The following LPP variants were observed in gnomAD, a reference collection of about 807,000 sequenced individuals.
LPP encodes lipoma-preferred partner.
A neutral mutation model predicts 60.4 loss-of-function variants in LPP; 38 were observed. The observed-to-expected ratio is 0.63, with a 90% confidence interval of 0.49 to 0.83. The LOEUF (loss-of-function observed/expected upper bound fraction) is 0.83. Among genes scored for constraint, LPP ranks in the 40% least tolerant of loss-of-function variants. The probability of loss-of-function intolerance (pLI) is 0.00; values close to 1 mark genes in which losing one functional copy is unlikely to be tolerated. For synonymous variants in LPP, 328 were observed against 290.8 expected, an observed-to-expected ratio of 1.13 and a Z score of -1.30; for missense variants, 902 against 783.6, an observed-to-expected ratio of 1.15 and a Z score of -1.80.
intron 2 of LPP, among the ~76,000 whole-genome samples, chr3:188,261,631 G>A (rs922832485): frequency 6.6e-6 from 1 of 152,130 alleles, no homozygotes; most frequent in Non-Finnish European, 1.5e-5. Flanking sequence ...CTTGGGACCG[G>A]ACATGGTGGC....
intron 9 of LPP, among the ~76,000 whole-genome samples, chr3:188,775,493 A>G (rs2150762166): frequency 6.6e-6 from 1 of 152,350 alleles, no homozygotes; most frequent in Non-Finnish European, 1.5e-5. Context: ...TTAACCTGCT[A>G]GATGTCATCT....
At chr3:188,239,470 G>A (rs1723076985) in intron 2 of LPP, among the ~76,000 whole-genome samples, 2 of 152,128 alleles carry the variant, frequency 1.3e-5, no homozygotes, top group Admixed American at 1.3e-4. Flanking sequence ...TCTTTTCTGT[G>A]CTCAATTTTA....
At chr3:188,738,198 GT>G (rs1035064774) in intron 8 of LPP, among the ~76,000 whole-genome samples, 2 of 151,586 alleles carry the variant, frequency 1.3e-5, no homozygotes, top group South Asian at 4.2e-4. Context: ...CCCCGAAAGT[GT>G]TTTTTTTCAA....
At chr3:188,275,894 T>C (rs1476028144) in intron 2 of LPP, among the ~76,000 whole-genome samples, 2 of 152,032 alleles carry the variant, frequency 1.3e-5, no homozygotes, top group East Asian at 3.9e-4. Flanking sequence ...CAGGCTGATC[T>C]CGAACTCCTG....
intron 6 of LPP, among the ~76,000 whole-genome samples, chr3:188,552,560 A>G (rs984081315): frequency 6.6e-6 from 1 of 152,176 alleles, no homozygotes; most frequent in African/African-American, 2.4e-5. Context: ...CTGGGTTAAG[A>G]TGAAGGTGTC....
rs369895861 is a variant in LPP, at chr3:188,609,661, A to G, written c.930A>G (p.Arg310=). 6 of 1,614,072 alleles carry G rather than the reference A, an allele frequency of 3.7e-6. No homozygotes were observed. In the African/African-American group the frequency reaches 6.7e-5, roughly 18 times the overall value. ...YYAAGPGYGG[R]NDSDPTYGQQ... is the part of the protein sequence containing the mutation. ...CAGCAGGGCCAGGCTATGGGGGCAGAAATGACTCTGACCCTACCTATGGTC... is the reference window on the plus strand; with the variant it reads ...CAGCAGGGCCAGGCTATGGGGGCAGGAATGACTCTGACCCTACCTATGGTC... Residue 310 remains arginine (R), a synonymous_variant, in exon 7 of 12, where the codon AGA becomes AGG. Coordinates refer to ENST00000617246, the MANE Select transcript of LPP (RefSeq NM_001375462.1). The surrounding 1 kb of genome is among the most constrained non-coding windows in gnomAD (Gnocchi z 6.9).
In LPP at chr3:188,785,447, ATATTC is replaced by A. The variant is rs1387333001; in HGVS notation, c.1410+25166_1410+25170del. ...CATATATATATTCCATCATATATAT[ATATTC>A]CATCATATATATATATTCCATCATA... On this transcript the variant is annotated intron_variant, in intron 9 of 11. Transcript: ENST00000617246. Among the ~76,000 whole-genome samples, 72 of 29,814 alleles carry A rather than the reference ATATTC, an allele frequency of 2.4e-3. 14 individuals are homozygous for A. The highest frequency in any genetic ancestry group is 0.012 in the African/African-American group (65 of 5,560). The allele number at this position is 29,814 out of a possible 152,430, so 19.6% of individuals were successfully genotyped here. A position where few individuals can be genotyped will look rare whatever the true frequency, so the allele number is the denominator to read the frequency against.
At chr3:188,359,468 T>A (rs1431598621) in intron 3 of LPP, among the ~76,000 whole-genome samples, 17 of 152,224 alleles carry the variant, frequency 1.1e-4, no homozygotes. Context: ...CCTGACCTAT[T>A]AGCTGCAGGG....
At chr3:188,235,902 TCTC>T (rs1264341851) in intron 2 of LPP, among the ~76,000 whole-genome samples, 2 of 152,028 alleles carry the variant, frequency 1.3e-5, no homozygotes, top group Non-Finnish European at 2.9e-5. Flanking sequence ...CAATCTTTCT[TCTC>T]CTCTAGATTG....
In LPP at chr3:188,323,508, C is replaced by T. The variant is rs534042564; in HGVS notation, c.-66-18155C>T. ...GGAAGAAAACTTTGCAAAGCAGTAG[C>T]AGAATAAAGTCGAGGGTAAACAGAG... On this transcript the variant is annotated intron_variant, in intron 2 of 11. Transcript: ENST00000617246. Among the ~76,000 whole-genome samples the T allele has an allele frequency of 3.9e-4, 59 of 152,266 alleles. 2 individuals carry two copies. In the South Asian group the frequency reaches 0.012, roughly 30 times the overall value.
At chr3:188,356,478 T>C (rs1302785218) in intron 3 of LPP, among the ~76,000 whole-genome samples, 6 of 152,180 alleles carry the variant, frequency 3.9e-5, no homozygotes, top group Non-Finnish European at 8.8e-5. Flanking sequence ...GTGGGGACTC[T>C]GGGCCCTTCA....
chr3:188,722,813 G>A (rs530054393), intron 8 of LPP, among the ~76,000 whole-genome samples: 5 of 152,272 alleles, frequency 3.3e-5, no homozygotes, highest in South Asian at 2.1e-4. Flanking sequence ...TTTCTAAACC[G>A]TAGCAGAAGA....
intron 9 of LPP, among the ~76,000 whole-genome samples, chr3:188,814,908 G>A (rs1316772613): frequency 1.3e-5 from 2 of 152,040 alleles, no homozygotes; most frequent in African/African-American, 4.8e-5. Flanking sequence ...ATCTGGACAA[G>A]TTACTTTACC....
intron 8 of LPP, among the ~76,000 whole-genome samples, chr3:188,734,482 A>AC (rs1382853687): frequency 1.3e-5 from 2 of 152,236 alleles, no homozygotes; most frequent in Non-Finnish European, 2.9e-5. Flanking sequence ...TCAGAGTAGC[A>AC]TTGGGGTTCC....
chr3:188,521,110 G>T (rs1033247969), intron 5 of LPP, among the ~76,000 whole-genome samples: 2 of 152,160 alleles, frequency 1.3e-5, no homozygotes, highest in African/African-American at 2.4e-5. Context: ...GTGAAAAAAA[G>T]GCCTATTCTA....
At chr3:188,760,439 T>TGTGTGTGTGTGTGTGCAC (rs55988915) in intron 9 of LPP, among the ~76,000 whole-genome samples, 157 bp downstream of exon 9, 1 of 149,920 alleles carries the variant, frequency 6.7e-6, no homozygotes, top group African/African-American at 2.5e-5. Context: ...TGTGTGTGCG[T>TGTGTGTGTGTGTGTGCAC]GCGCGCATGT....
intron 10 of LPP, among the ~76,000 whole-genome samples, chr3:188,868,206 C>A (rs149348932): frequency 1.5e-4 from 23 of 152,252 alleles, no homozygotes; most frequent in African/African-American, 2.9e-4. Flanking sequence ...TTAGACTTAT[C>A]CTAATCCAAG....
At chr3:188,569,596 AC>A (rs1327713331) in intron 6 of LPP, among the ~76,000 whole-genome samples, 2 of 151,992 alleles carry the variant, frequency 1.3e-5, no homozygotes, top group Non-Finnish European at 2.9e-5. Context: ...AAATCAATTC[AC>A]TTATTTTTCT....
intron 6 of LPP, among the ~76,000 whole-genome samples, chr3:188,546,255 C>G (rs547042155): frequency 1.3e-5 from 2 of 152,242 alleles, no homozygotes; most frequent in African/African-American, 4.8e-5. Flanking sequence ...TACTTTTCAC[C>G]ACTCTGCCAG....
Sources: allele counts gnomAD v4.1 joint callset (sites outside exome capture counted in the v4.1 genomes callset), GRCh38; gene constraint gnomAD v4.1.1; non-coding constraint Gnocchi (gnomAD v3.1); transcripts MANE v1.5; gene names NCBI Gene and HGNC (gene_info 2026-07-23, HGNC 2026-07-21).